Variants in RTKN observed in about 807,000 individuals in gnomAD.
RTKN encodes rhotekin.
Under a neutral mutation model 63.5 loss-of-function variants are expected in RTKN, and 49 were observed. The ratio of observed to expected loss-of-function variants is 0.77; its 90% CI spans 0.61 to 0.98. RTKN has a LOEUF of 0.98. Among genes scored for constraint, RTKN ranks in the 50% least tolerant of loss-of-function variants. The pLI, the probability that RTKN is intolerant of heterozygous loss-of-function variation, is 0.00. For synonymous variants in RTKN, 295 were observed against 290.4 expected (o/e 1.02, Z -0.16); for missense variants, 685 against 740.8 (o/e 0.92, Z 0.87).
chr2:74,435,577 C>T (rs557136343), intron 1 of RTKN, among the ~76,000 whole-genome samples: 1 of 152,332 alleles, frequency 6.6e-6, no homozygotes, highest in African/African-American at 2.4e-5. Context: ...CAACCATGCT[C>T]ACAAGAAACA....
In RTKN at chr2:74,428,676, AGGCT is replaced by A; in HGVS notation, c.908_911del (p.Gln303LeufsTer4). The A allele has an allele frequency of 6.2e-7, 1 of 1,613,910 alleles. No homozygotes were observed. Among genetic ancestry groups the A allele is most frequent in the Non-Finnish European group, 8.5e-7 (1 of 1,179,940 alleles). On this transcript the variant is annotated frameshift_variant, in exon 8 of 12. Transcript: ENST00000272430. LOFTEE classifies it high-confidence loss of function. ...TTGCAGTGGGCTGAGTCATGCAGAG[AGGCT>A]GAGCTGCCAGACGGCAACACACGCT...
At chr2:74,433,512 G>A (rs1211658518) in intron 1 of RTKN, among the ~76,000 whole-genome samples, 3 of 144,798 alleles carry the variant, frequency 2.1e-5, no homozygotes, top group Non-Finnish European at 4.5e-5. Flanking sequence ...TTTTTGAGAC[G>A]GAGTCTCGCT....
chr2:74,430,791 G>C (rs1392678496), intron 2 of RTKN, 114 bp from the exon 3 acceptor site: 5 of 1,046,584 alleles, frequency 4.8e-6, no homozygotes, highest in Non-Finnish European at 6.8e-6. Context: ...CAGGTTCCCA[G>C]CCAGGCCGAC....
intron 1 of RTKN, chr2:74,440,297 A>G (rs1036147216): frequency 1.1e-5 from 10 of 936,706 alleles, no homozygotes; most frequent in Non-Finnish European, 1.3e-5. Flanking sequence ...CCCTAGGGCC[A>G]CCCCTTCCAA....
Position 74,441,848 on chromosome 2 carries a change from G to A in RTKN, c.-32C>T. On this transcript the variant is annotated 5_prime_UTR_variant, in exon 1 of 12. Transcript: ENST00000272430. ...GGCCCTGCGACTTTGCCTGCTCAGT[G>A]CGCTCCCCGCGCCGCCCGGCTTAGC... 1 of 1,387,606 alleles carries A rather than the reference G, an allele frequency of 7.2e-7. No individual in the cohort carries two copies. The allele number at this position is 1,387,606 out of a possible 1,614,324, so 86.0% of individuals were successfully genotyped here. A position where few individuals can be genotyped will look rare whatever the true frequency, so the allele number is the denominator to read the frequency against.
rs1670652173 is a variant in RTKN at position 74,430,022 on chromosome 2, T to G, written c.561A>C (p.Pro187=). 6.2e-7 allele frequency: 1 copy of G among 1,614,006 alleles called. No individual in the cohort carries two copies. Residue 187 remains proline, a synonymous_variant, in exon 6 of 12, where the codon CCA becomes CCC. Coordinates refer to ENST00000272430, the MANE Select transcript of RTKN (RefSeq NM_001015055.2). ...QSNVLFAEAG[P]DFELRLELYG... is the part of the protein sequence containing the mutation. ...ACAGCTCTAACCGCAGTTCAAAGTC[T>G]GGCCCCGCCTCAGCGCTGGTGGGAG...
chr2:74,430,401 C>T (rs746077038), intron 4 of RTKN, 32 bp from the exon 5 acceptor site: 1 of 1,613,158 alleles, frequency 6.2e-7, no homozygotes, highest in Non-Finnish European at 8.5e-7. Context: ...AAAAACACGT[C>T]CCACGAGAGC....
chr2:74,429,839 G>A lies in RTKN; in HGVS notation c.744C>T (p.Thr248=). 6.2e-7 allele frequency: 1 copy of A among 1,613,734 alleles called. No individual in the cohort carries two copies. The highest frequency in any genetic ancestry group is 8.5e-7 in the Non-Finnish European group (1 of 1,179,882). Residue 248 remains threonine, a synonymous_variant, in exon 6 of 12, where the codon ACC becomes ACT. Coordinates refer to ENST00000272430, the MANE Select transcript of RTKN (RefSeq NM_001015055.2). ...GTGCAAGGCCTTACCCAACAACTGGGGTGGGGAGCAAGATGGGACTGCTCC... is the reference window on the plus strand; with the variant it reads ...GTGCAAGGCCTTACCCAACAACTGGAGTGGGGAGCAAGATGGGACTGCTCC... ...GSGSSPILLP[T]PVVGGPRYHL...
chr2:74,429,535 GGC>G (rs1331998693), intron 6 of RTKN, among the ~76,000 whole-genome samples: 1 of 152,146 alleles, frequency 6.6e-6, no homozygotes, highest in African/African-American at 2.4e-5. Flanking sequence ...GACTAGCCTG[GGC>G]AACATAGTGA....
At chr2:74,437,959 A>G (rs933677235) in intron 1 of RTKN, among the ~76,000 whole-genome samples, 12 of 152,226 alleles carry the variant, frequency 7.9e-5, no homozygotes, top group Admixed American at 7.2e-4. Context: ...GTTTATGCCA[A>G]GACGGTCCTG....
intron 1 of RTKN, 139 bp from the exon 2 acceptor site, chr2:74,432,805 G>T (rs1670833382): frequency 1.1e-5 from 7 of 665,512 alleles, no homozygotes; most frequent in African/African-American, 1.8e-5. Flanking sequence ...GCAGGCATTG[G>T]GTCTCAATCT....
Position 74,425,877 on chromosome 2 carries a change from G to A in RTKN, c.*366C>T, listed in dbSNP as rs1319457947. On this transcript the variant is annotated 3_prime_UTR_variant, in exon 12 of 12. Transcript: ENST00000272430. Reference sequence around the variant, plus strand: ...GGCACCCTGTCCTCAGGAGCCAGGTGAAGGCTGCTGTTAAATAACTTTAAT... The same window carrying A: ...GGCACCCTGTCCTCAGGAGCCAGGTAAAGGCTGCTGTTAAATAACTTTAAT... The A allele has an allele frequency of 6.9e-6, 7 of 1,017,272 alleles. No individual in the cohort carries two copies. The highest frequency in any genetic ancestry group is 3.2e-5 in the South Asian group (2 of 62,356). The allele number at this position is 1,017,272 out of a possible 1,614,324, so 63.0% of individuals were successfully genotyped here.
rs1196373233 is a variant in RTKN at position 74,428,124 on chromosome 2, G to A, written c.1086+144C>T. ...GTGATGCTGTAGTTGGGGAAAATAC[G>A]GGCCCCTGAAGCTGGATGTGGCACT... On this transcript the variant is annotated intron_variant, in intron 9 of 11. Transcript: ENST00000272430. 16 of 991,588 alleles carry A rather than the reference G, an allele frequency of 1.6e-5. No individual in the cohort carries two copies. The East Asian group carries it at 2.0e-4, about 12-fold the overall frequency. 61.4% of individuals were successfully genotyped at this position (991,588 alleles called of 1,614,324 possible).
intron 8 of RTKN, 25 bp downstream of exon 8, chr2:74,428,606 C>T (rs375547554): frequency 6.3e-7 from 1 of 1,595,334 alleles, no homozygotes; most frequent in African/African-American, 1.3e-5. Flanking sequence ...TCCCTGCTCC[C>T]TTCCACTCCT....
chr2:74,430,100 G>A, intron 5 of RTKN, 63 bp from the exon 6 acceptor site: 2 of 1,584,234 alleles, frequency 1.3e-6, no homozygotes, highest in East Asian at 2.2e-5. Flanking sequence ...GGTAGGGGAT[G>A]TGGGTGAGGC....
intron 6 of RTKN, among the ~76,000 whole-genome samples, chr2:74,429,492 A>C (rs1670613814): frequency 6.6e-6 from 1 of 152,192 alleles, no homozygotes; most frequent in South Asian, 2.1e-4. Context: ...TGGGAGGCCG[A>C]GGCGGGAGGA....
Position 74,427,471 on chromosome 2 carries a change from G to C in RTKN, c.1208C>G (p.Ala403Gly), listed in dbSNP as rs748769875. The C allele has an allele frequency of 1.4e-5, 22 of 1,614,190 alleles. No individual in the cohort carries two copies. The highest frequency in any genetic ancestry group is 1.9e-5 in the Non-Finnish European group (22 of 1,180,044). Residue 403 changes from alanine to glycine, a missense_variant, in exon 10 of 12, where the codon GCA (alanine) becomes GGA (glycine). Coordinates refer to ENST00000272430, the MANE Select transcript of RTKN (RefSeq NM_001015055.2). ...CAGAGCCTCCATCCAGCTCTGCAGT[G>C]CTTCCCGACTTTCTGTCTGAAGGGT... is the stretch of plus-strand genomic sequence containing the variant. ...THTLQTESREALQSWMEALWQ... is the reference protein window; with the variant it reads ...THTLQTESREGLQSWMEALWQ...
At chr2:74,432,380 G>C (rs756040454) in intron 2 of RTKN, 87 bp downstream of exon 2, 1 of 1,265,488 alleles carries the variant, frequency 7.9e-7, no homozygotes, top group Admixed American at 1.7e-5. Flanking sequence ...CTTTAAGGTG[G>C]TCCACATGCC....
Position 74,428,370 on chromosome 2 carries a change from T to C in RTKN, c.984A>G (p.Ala328=). The C allele has an allele frequency of 6.2e-7, 1 of 1,614,160 alleles. No homozygotes were observed. Among genetic ancestry groups the C allele is most frequent in the Non-Finnish European group, 8.5e-7 (1 of 1,180,026 alleles). ...VQQAGEMQNW[A]QVHGVLKGTN... ...TGCCTTTCAGAACTCCATGCACTTG[T>C]GCCCAGTTCTGCATCTCCCCAGCTT... The change falls in exon 9 of 12, where the codon GCA becomes GCG. Residue 328 remains alanine (A), a synonymous_variant. Transcript: ENST00000272430.
Sources: gnomAD v4.1 joint callset for allele counts (sites outside exome capture counted in the v4.1 genomes callset) on GRCh38, gnomAD v4.1.1 for gene constraint, MANE v1.5 for transcripts, NCBI Gene and HGNC (gene_info 2026-07-23, HGNC 2026-07-21) for gene names.